LPCAT1: variants seen among roughly 807,000 people sequenced by gnomAD.
LPCAT1 encodes lysophosphatidylcholine acyltransferase 1.
Under a neutral mutation model 60.9 loss-of-function variants are expected in LPCAT1, and 23 were observed. The observed-to-expected ratio is 0.38, with a 90% CI of 0.27 to 0.53. LPCAT1 has a LOEUF of 0.53. Among genes scored for constraint, LPCAT1 ranks in the 20% least tolerant of loss-of-function variants. LPCAT1 has a pLI of 0.82. For synonymous variants in LPCAT1, 340 were observed against 301.1 expected, an observed-to-expected ratio of 1.13 and a Z score of -1.34; for missense variants, 622 against 723.6, an observed-to-expected ratio of 0.86 and a Z score of 1.61.
chr5:1,503,523 G>T (rs892651093), intron 1 of LPCAT1, among the ~76,000 whole-genome samples: 6 of 152,224 alleles, frequency 3.9e-5, no homozygotes, highest in Admixed American at 1.3e-4. Flanking sequence ...TCAGCGCTGT[G>T]CAGCTCCCTG....
chr5:1,475,287 G>A (rs1333174039), intron 9 of LPCAT1, among the ~76,000 whole-genome samples: 1 of 152,214 alleles, frequency 6.6e-6, no homozygotes, highest in African/African-American at 2.4e-5. Flanking sequence ...GAGAGTCTCA[G>A]GCTATCCACA....
Position 1,480,738 on chromosome 5 carries a change from G to A in LPCAT1, c.761+204C>T, listed in dbSNP as rs1029232094. Among the ~76,000 whole-genome samples the A allele has an allele frequency of 2.6e-5, 4 of 152,172 alleles. No individual in the cohort carries two copies. The highest frequency in any genetic ancestry group is 4.4e-5 in the Non-Finnish European group (3 of 68,038). On this transcript the variant is annotated intron_variant, in intron 7 of 13. Transcript: ENST00000283415. The surrounding 1 kb of genome is among the most constrained non-coding windows in gnomAD (Gnocchi z 6.4). ...TTCCCTTCCTGCTGGTACTGAAGAC[G>A]TGCAACTTAAGACCCCAGAATCCAG...
In LPCAT1 at chr5:1,486,868, C is replaced by T. The variant is rs112097111; in HGVS notation, c.667+1523G>A. 3.9e-3 allele frequency among the ~76,000 whole-genome samples: 589 copies of T among 152,316 alleles called. 3 individuals are homozygous for T. The highest frequency in any genetic ancestry group is 0.01 in the Middle Eastern group (3 of 294). ...GGAGACGGGGAAAGGATCAAGCCAC[C>T]GTGTCATCTCCCCAGACCCCGTGGA... On this transcript the variant is annotated intron_variant, in intron 5 of 13. Coordinates refer to ENST00000283415, the MANE Select transcript of LPCAT1 (RefSeq NM_024830.5).
At chr5:1,490,799 C>G (rs1226980074) in intron 3 of LPCAT1, among the ~76,000 whole-genome samples, 1 of 152,216 alleles carries the variant, frequency 6.6e-6, no homozygotes, top group Non-Finnish European at 1.5e-5. Flanking sequence ...GAAGAGAAAA[C>G]TCTGAAGACT....
intron 3 of LPCAT1, among the ~76,000 whole-genome samples, chr5:1,494,324 C>T (rs40180): frequency 0.78 from 118,442 of 152,170 alleles, 46,927 homozygotes; most frequent in African/African-American, 0.94. Context: ...ATTACAACAA[C>T]GAAAATTACA....
At chr5:1,518,605 G>A (rs1375261969) in intron 1 of LPCAT1, among the ~76,000 whole-genome samples, 1 of 152,256 alleles carries the variant, frequency 6.6e-6, no homozygotes, top group Non-Finnish European at 1.5e-5. Flanking sequence ...CTCCCAAAGT[G>A]CTGGGATTAC....
chr5:1,491,340 C>A (rs1405939343), intron 3 of LPCAT1, among the ~76,000 whole-genome samples: 1 of 115,918 alleles, frequency 8.6e-6, no homozygotes, highest in Non-Finnish European at 2.0e-5. Flanking sequence ...CGTCCCGGGG[C>A]ACACGGGGTC....
chr5:1,465,524 AAAC>A (rs1260883342), intron 13 of LPCAT1, among the ~76,000 whole-genome samples: 5 of 149,418 alleles, frequency 3.3e-5, no homozygotes, highest in Non-Finnish European at 5.9e-5. Flanking sequence ...CACACACACA[AAAC>A]AAGCACACGC....
Position 1,495,011 on chromosome 5 carries a change from G to T in LPCAT1, c.279-97C>A. On this transcript the variant is annotated intron_variant, in intron 2 of 13. Transcript: ENST00000283415. The surrounding 1 kb of genome is among the most constrained non-coding windows in gnomAD (Gnocchi z 4.7). Reference sequence around the variant, plus strand: ...GTCCCACGGGAGAGCCCTCCAGGGCGCAGTCCAGGCCACGGGCTTCCTGTG... The same window carrying T: ...GTCCCACGGGAGAGCCCTCCAGGGCTCAGTCCAGGCCACGGGCTTCCTGTG... 8.6e-7 allele frequency: 1 copy of T among 1,163,542 alleles called. No individual in the cohort carries two copies. 72.1% of individuals were successfully genotyped at this position (1,163,542 alleles called of 1,614,324 possible). A position where few individuals can be genotyped will look rare whatever the true frequency, so the allele number is the denominator to read the frequency against.
At chr5:1,473,625 C>A (rs1022077348) in intron 11 of LPCAT1, among the ~76,000 whole-genome samples, 2 of 152,210 alleles carry the variant, frequency 1.3e-5, no homozygotes, top group African/African-American at 2.4e-5. Context: ...CAAAGAGCAG[C>A]TCTGGTGAGC....
Position 1,481,399 on chromosome 5 carries a change from A to G in LPCAT1, c.727-423T>C, listed in dbSNP as rs867662034. ...CCGGGACCCCGGCCCTCTCCTGCCC[A>G]CCGCTCTCTCCAACTGCTCTGAGTG... On this transcript the variant is annotated intron_variant, in intron 6 of 13. Transcript: ENST00000283415. This position sits in a 1 kb window ranked among gnomAD's most constrained non-coding sequence, Gnocchi z 7.8. 6.6e-5 allele frequency among the ~76,000 whole-genome samples: 10 copies of G among 152,254 alleles called. No individual in the cohort carries two copies. In the Middle Eastern group the frequency reaches 0.01, roughly 155 times the overall value.
intron 11 of LPCAT1, among the ~76,000 whole-genome samples, chr5:1,472,411 G>A (rs1376454364): frequency 6.6e-6 from 1 of 152,068 alleles, no homozygotes; most frequent in Non-Finnish European, 1.5e-5. Context: ...CACACCCCTT[G>A]CAAGGCATGG....
intron 1 of LPCAT1, among the ~76,000 whole-genome samples, chr5:1,509,953 C>T (rs961524999): frequency 6.6e-6 from 1 of 152,158 alleles, no homozygotes; most frequent in Non-Finnish European, 1.5e-5. Flanking sequence ...CTGCCAGGAG[C>T]GCAGGCCACA....
chr5:1,511,104 T>A (rs898625778), intron 1 of LPCAT1, among the ~76,000 whole-genome samples: 1 of 152,192 alleles, frequency 6.6e-6, no homozygotes, highest in African/African-American at 2.4e-5. Flanking sequence ...TGAAGCCCCA[T>A]ATCCCAGCAA....
Position 1,480,352 on chromosome 5 carries a change from A to T in LPCAT1, c.761+590T>A. The T allele has an allele frequency of 1.0e-6, 1 of 985,256 alleles. No individual in the cohort carries two copies. Among genetic ancestry groups the T allele is most frequent in the Non-Finnish European group, 1.2e-6 (1 of 829,882 alleles). 61.0% of individuals were successfully genotyped at this position (985,256 alleles called of 1,614,324 possible). A position where few individuals can be genotyped will look rare whatever the true frequency, so the allele number is the denominator to read the frequency against. On this transcript the variant is annotated intron_variant, in intron 7 of 13. Transcript: ENST00000283415. The surrounding 1 kb of genome is among the most constrained non-coding windows in gnomAD (Gnocchi z 6.4). ...ACCCACATCCTCCCAAACGCCTGGA[A>T]TGGAGCTGCTCTCTCTTGGACTTTC...
Position 1,481,584 on chromosome 5 carries a change from G to A in LPCAT1, c.727-608C>T, listed in dbSNP as rs1447156244. Among the ~76,000 whole-genome samples the A allele has an allele frequency of 6.6e-6, 1 of 152,274 alleles. No homozygotes were observed. The highest frequency in any genetic ancestry group is 1.5e-5 in the Non-Finnish European group (1 of 68,044). ...GGGGTGGACCTTCTGCTCCCCTGAC[G>A]GCTAAGCTAGTGCTTCTTGGTGCAT... is the stretch of plus-strand genomic sequence containing the variant. On this transcript the variant is annotated intron_variant, in intron 6 of 13. Coordinates refer to ENST00000283415, the MANE Select transcript of LPCAT1 (RefSeq NM_024830.5). This position sits in a 1 kb window ranked among gnomAD's most constrained non-coding sequence, Gnocchi z 7.8.
chr5:1,466,954 G>C, intron 12 of LPCAT1, 64 bp from the exon 13 acceptor site: 2 of 1,423,376 alleles, frequency 1.4e-6, no homozygotes, highest in East Asian at 5.3e-5. Context: ...CCGCTGTCCA[G>C]GGACACCCCA....
At chr5:1,498,091 A>G (rs1327693399) in intron 2 of LPCAT1, among the ~76,000 whole-genome samples, 2 of 152,258 alleles carry the variant, frequency 1.3e-5, no homozygotes, top group Admixed American at 6.5e-5. Context: ...ACTAACTTAC[A>G]TTCAGCAAAA....
chr5:1,494,593 G>A (rs991984549), intron 3 of LPCAT1, 107 bp downstream of exon 3: 6 of 1,045,562 alleles, frequency 5.7e-6, no homozygotes, highest in East Asian at 2.5e-5. Flanking sequence ...ACAGAGGGGG[G>A]ACCCTCACTC....
Sources: allele counts gnomAD v4.1 joint callset (sites outside exome capture counted in the v4.1 genomes callset), GRCh38; gene constraint gnomAD v4.1.1; non-coding constraint Gnocchi (gnomAD v3.1); transcripts MANE v1.5; gene names NCBI Gene and HGNC (gene_info 2026-07-23, HGNC 2026-07-21).